KCNH1: variants seen among roughly 807,000 people sequenced by gnomAD.
KCNH1 encodes the protein potassium voltage-gated channel subfamily H member 1.
In KCNH1, 27 loss-of-function variants were observed where a neutral mutation model predicts 69.2. The ratio of observed to expected loss-of-function variants is 0.39; its 90% CI spans 0.29 to 0.54. The LOEUF (loss-of-function observed/expected upper bound fraction) is 0.54, where lower values mean the gene tolerates loss of function less well. KCNH1 is among the 20% of genes least tolerant of loss of function. KCNH1 has a pLI of 0.68. For missense variants in KCNH1, 798 were observed against 1,261.6 expected (o/e 0.63, Z 5.57); for synonymous variants, 456 against 487.7 (o/e 0.93, Z 0.86).
Position 210,772,380 on chromosome 1 carries a change from G to GA in KCNH1, c.2112+2967dup, listed in dbSNP as rs546504976. 3.7e-4 allele frequency among the ~76,000 whole-genome samples: 56 copies of GA among 150,248 alleles called. No homozygotes were observed. In the South Asian group the frequency reaches 8.8e-3, roughly 24 times the overall value. ...ACAACAATACACTTTACTTTACCAG[G>GA]AAAAAAAAATAGCTAGGAGAATAAT... On this transcript the variant is annotated intron_variant, in intron 10 of 10. Transcript: ENST00000271751.
intron 3 of KCNH1, among the ~76,000 whole-genome samples, chr1:211,094,274 G>A (rs549204288): frequency 6.6e-5 from 10 of 152,110 alleles, no homozygotes; most frequent in Non-Finnish European, 1.0e-4. Flanking sequence ...TAATGCCACC[G>A]CTGATCTGAC....
At chr1:210,882,995 G>A (rs1686529098) in intron 7 of KCNH1, among the ~76,000 whole-genome samples, 1 of 152,166 alleles carries the variant, frequency 6.6e-6, no homozygotes, top group African/African-American at 2.4e-5. Context: ...ACGGAAGAAT[G>A]AGTAATAAGT....
intron 7 of KCNH1, among the ~76,000 whole-genome samples, chr1:210,915,968 G>A (rs1687325050): frequency 6.6e-6 from 1 of 152,012 alleles, no homozygotes; most frequent in South Asian, 2.1e-4. Flanking sequence ...AAACCCACTG[G>A]CTTTTTGTCT....
chr1:211,057,466 C>T (rs564557968), intron 5 of KCNH1, among the ~76,000 whole-genome samples: 39 of 151,960 alleles, frequency 2.6e-4, no homozygotes, highest in African/African-American at 8.0e-4. Flanking sequence ...AAAACCCCAT[C>T]TCTACAAAAA....
intron 10 of KCNH1, among the ~76,000 whole-genome samples, chr1:210,705,508 G>A (rs553273116): frequency 6.6e-6 from 1 of 152,302 alleles, no homozygotes; most frequent in Non-Finnish European, 1.5e-5. Flanking sequence ...GCAGAATTCT[G>A]GTCCCATTGA....
At chr1:210,821,525 C>T (rs141199338) in intron 7 of KCNH1, among the ~76,000 whole-genome samples, 116 of 151,974 alleles carry the variant, frequency 7.6e-4, no homozygotes, top group African/African-American at 2.8e-3. Context: ...TGCAGTTTGG[C>T]CACGATCATC....
At chr1:210,744,464 T>C (rs1683102741) in intron 10 of KCNH1, among the ~76,000 whole-genome samples, 1 of 152,082 alleles carries the variant, frequency 6.6e-6, no homozygotes, top group South Asian at 2.1e-4. Flanking sequence ...ACCAACATAG[T>C]GAAACCCCAT....
At chr1:211,057,839 A>T (rs764540761) in intron 5 of KCNH1, among the ~76,000 whole-genome samples, 29 of 152,182 alleles carry the variant, frequency 1.9e-4, no homozygotes, top group Admixed American at 1.2e-3. Flanking sequence ...AATCAAGAGA[A>T]AGATATTAAT....
rs9970961 is a variant in KCNH1, at chr1:211,089,911, G to C, written c.439+651C>G. On this transcript the variant is annotated intron_variant, in intron 4 of 10. Transcript: ENST00000271751. ...ATGAGCTGGACCTCTTCAGGGGTAC[G>C]GTTGTTCCAGAAATCCTGAGCCATC... is the stretch of plus-strand genomic sequence containing the variant. 9.9e-5 allele frequency among the ~76,000 whole-genome samples: 15 copies of C among 152,076 alleles called. No homozygotes were observed. In the South Asian group the frequency reaches 1.9e-3, roughly 19 times the overall value.
intron 6 of KCNH1, among the ~76,000 whole-genome samples, chr1:210,974,989 G>GA (rs1051673998): frequency 6.6e-6 from 1 of 151,936 alleles, no homozygotes; most frequent in African/African-American, 2.4e-5. Flanking sequence ...GAAGTTAGGA[G>GA]AAAAAATGAT....
intron 7 of KCNH1, among the ~76,000 whole-genome samples, chr1:210,911,641 A>G (rs896761791): frequency 6.6e-4 from 101 of 152,078 alleles, no homozygotes; most frequent in African/African-American, 2.3e-3. Flanking sequence ...CAAAAAAAAA[A>G]AAAAAGAAGG....
intron 10 of KCNH1, among the ~76,000 whole-genome samples, chr1:210,684,887 AG>A (rs1004546493): frequency 1.3e-5 from 2 of 152,198 alleles, no homozygotes; most frequent in African/African-American, 4.8e-5. Context: ...CAGCACTGTA[AG>A]GTCACTGGAA....
intron 10 of KCNH1, among the ~76,000 whole-genome samples, chr1:210,685,483 G>A (rs1445635073): frequency 1.3e-5 from 2 of 152,176 alleles, no homozygotes; most frequent in East Asian, 3.9e-4. Context: ...GTGGTGGCAT[G>A]CCAGGAGCAG....
In KCNH1 at chr1:210,916,943, T is replaced by C. The variant is rs1293836720; in HGVS notation, c.1462+2697A>G. 2.6e-5 allele frequency among the ~76,000 whole-genome samples: 4 copies of C among 151,276 alleles called. No individual in the cohort carries two copies. In the East Asian group the frequency reaches 7.8e-4, roughly 30 times the overall value. Reference sequence around the variant, plus strand: ...CAGGTGGATCACCTGAGGTCAGGAGTTCAAGACCAGCCTGGCCAACATGGT... The same window carrying C: ...CAGGTGGATCACCTGAGGTCAGGAGCTCAAGACCAGCCTGGCCAACATGGT... On this transcript the variant is annotated intron_variant, in intron 7 of 10. Coordinates refer to ENST00000271751, the MANE Select transcript of KCNH1 (RefSeq NM_172362.3).
At chr1:210,802,922 CAA>C (rs895125648) in intron 8 of KCNH1, among the ~76,000 whole-genome samples, 3 of 150,082 alleles carry the variant, frequency 2.0e-5, no homozygotes, top group Non-Finnish European at 4.4e-5. Flanking sequence ...TAAATTAAAA[CAA>C]AAAAAAAGAG....
At chr1:210,802,224 C>A (rs966970416) in intron 8 of KCNH1, among the ~76,000 whole-genome samples, 1 of 152,196 alleles carries the variant, frequency 6.6e-6, no homozygotes, top group Non-Finnish European at 1.5e-5. Context: ...GTCAGCAAAA[C>A]CAAAGTAATG....
At chr1:211,060,467 A>G (rs910874290) in intron 5 of KCNH1, among the ~76,000 whole-genome samples, 1 of 150,752 alleles carries the variant, frequency 6.6e-6, no homozygotes, top group African/African-American at 2.4e-5. Flanking sequence ...AAATCAGTAG[A>G]AGAAATAATA....
intron 7 of KCNH1, among the ~76,000 whole-genome samples, chr1:210,853,862 T>C (rs1304075032): frequency 2.0e-5 from 3 of 151,024 alleles, no homozygotes; most frequent in Admixed American, 1.3e-4. Context: ...TTGTTGAGCA[T>C]TTTCAATTCT....
intron 7 of KCNH1, among the ~76,000 whole-genome samples, chr1:210,815,142 G>T (rs1684787645): frequency 6.6e-6 from 1 of 152,180 alleles, no homozygotes; most frequent in Admixed American, 6.5e-5. Context: ...CAGAATCTCT[G>T]GGGGTGAGAC....
Sources: allele counts gnomAD v4.1 joint callset (sites outside exome capture counted in the v4.1 genomes callset), GRCh38; gene constraint gnomAD v4.1.1; transcripts MANE v1.5; gene names NCBI Gene and HGNC (gene_info 2026-07-23, HGNC 2026-07-21).